Variants in C8orf88 observed in about 807,000 individuals in gnomAD.
C8orf88 encodes the protein uncharacterized protein C8orf88.
In C8orf88, 14 loss-of-function variants were observed where a neutral mutation model predicts 18.4. The observed-to-expected ratio is 0.76, with a 90% CI of 0.50 to 1.19. The LOEUF (loss-of-function observed/expected upper bound fraction) is 1.19. C8orf88 is among the 50% of genes most tolerant of loss of function. The pLI is 0.00. For synonymous variants in C8orf88, 45 were observed against 42.9 expected (o/e 1.05, Z -0.19); for missense variants, 116 against 134.7 (o/e 0.86, Z 0.69).
At chr8:90,967,697 G>C (rs1175248017) in intron 4 of C8orf88, among the ~76,000 whole-genome samples, 1 of 151,358 alleles carries the variant, frequency 6.6e-6, no homozygotes, top group Middle Eastern at 3.4e-3. Context: ...TCTAGTTTTT[G>C]GCATACAACT....
chr8:90,975,385 G>A (rs1811333568), intron 3 of C8orf88, among the ~76,000 whole-genome samples: 1 of 152,014 alleles, frequency 6.6e-6, no homozygotes, highest in Non-Finnish European at 1.5e-5. Context: ...ATGATATACT[G>A]ATTTTTCAAT....
chr8:90,961,470 A>C (rs772817745), intron 4 of C8orf88, among the ~76,000 whole-genome samples: 7 of 150,250 alleles, frequency 4.7e-5, no homozygotes, highest in Middle Eastern at 3.4e-3. Flanking sequence ...GCTAAAAGAA[A>C]AGAACGGTAA....
rs554916186 is a variant in C8orf88 at position 90,976,025 on chromosome 8, A to G, written c.147+2554T>C. Among the ~76,000 whole-genome samples the G allele has an allele frequency of 3.9e-5, 6 of 152,186 alleles. No individual in the cohort carries two copies. In the East Asian group the frequency reaches 5.8e-4, roughly 15 times the overall value. ...AACCCAGCACCAAGGAATATACATG[A>G]TATTTTTCATTTATATGAAACTCTA... On this transcript the variant is annotated intron_variant, in intron 3 of 5. Coordinates refer to ENST00000517562, the MANE Select transcript of C8orf88 (RefSeq NM_001190972.2).
At chr8:90,969,417 T>G (rs550070715) in intron 4 of C8orf88, among the ~76,000 whole-genome samples, 53 of 152,002 alleles carry the variant, frequency 3.5e-4, no homozygotes, top group African/African-American at 1.2e-3. Flanking sequence ...GATATCTCAA[T>G]TACCCTTATT....
intron 3 of C8orf88, among the ~76,000 whole-genome samples, chr8:90,976,158 C>G (rs1174365516): frequency 6.6e-6 from 1 of 151,846 alleles, no homozygotes; most frequent in African/African-American, 2.4e-5. Context: ...TAAATTATTG[C>G]AAGGGGATAT....
In C8orf88 at chr8:90,971,587, C is replaced by T. The variant is rs868755134; in HGVS notation, c.148-446G>A. 1.5e-4 allele frequency among the ~76,000 whole-genome samples: 23 copies of T among 151,976 alleles called. 1 individual carries two copies. The Middle Eastern group carries it at 0.02, about 135-fold the overall frequency. ...CTTTATAAGCCCATGGACTGTTTCACCTAATGCCTTGGAAATAAGAGAAAT... is the reference window on the plus strand; with the variant it reads ...CTTTATAAGCCCATGGACTGTTTCATCTAATGCCTTGGAAATAAGAGAAAT... On this transcript the variant is annotated intron_variant, in intron 3 of 5. Transcript: ENST00000517562.
At chr8:90,959,453 C>G (rs943151453) in intron 5 of C8orf88, 2 of 151,554 alleles carry the variant, frequency 1.3e-5, no homozygotes, top group Non-Finnish European at 3.0e-5. Context: ...TACATTTATT[C>G]TTACAGACCA....
intron 1 of C8orf88, among the ~76,000 whole-genome samples, chr8:90,981,359 T>C (rs1811433212): frequency 6.6e-6 from 1 of 152,194 alleles, no homozygotes; most frequent in African/African-American, 2.4e-5. Flanking sequence ...TTTCACCATA[T>C]ATTTGGACAT....
Position 90,980,464 on chromosome 8 carries a change from A to G in C8orf88, c.-26-3T>C, listed in dbSNP as rs61431850. On this transcript the variant is annotated splice_region_variant and splice_polypyrimidine_tract_variant and intron_variant, in intron 1 of 5. Coordinates refer to ENST00000517562, the MANE Select transcript of C8orf88 (RefSeq NM_001190972.2). Reference sequence around the variant, plus strand: ...CACAAAGACTTTGAGGTTCCATACTAGAAGACAAAAAAATACATTTTTATC... The same window carrying G: ...CACAAAGACTTTGAGGTTCCATACTGGAAGACAAAAAAATACATTTTTATC... The G allele has an allele frequency of 2.4e-3, 3,249 of 1,330,728 alleles. 73 individuals carry two copies. The African/African-American group carries it at 0.043, about 18-fold the overall frequency. 82.4% of individuals were successfully genotyped at this position (1,330,728 alleles called of 1,614,324 possible). A position where few individuals can be genotyped will look rare whatever the true frequency, so the allele number is the denominator to read the frequency against.
chr8:90,978,982 G>A (rs1811392787), intron 2 of C8orf88, among the ~76,000 whole-genome samples: 1 of 152,162 alleles, frequency 6.6e-6, no homozygotes, highest in African/African-American at 2.4e-5. Context: ...TAGGTTTGGG[G>A]TATCACATAG....
At chr8:90,966,147 T>A (rs1029757822) in intron 4 of C8orf88, among the ~76,000 whole-genome samples, 3 of 151,432 alleles carry the variant, frequency 2.0e-5, no homozygotes, top group Admixed American at 1.3e-4. Context: ...ATGTGGCACA[T>A]ATACACCATG....
At chr8:90,961,507 G>A (rs10111454) in intron 4 of C8orf88, among the ~76,000 whole-genome samples, 107,090 of 147,830 alleles carry the variant, frequency 0.72, 39,007 homozygotes, top group African/African-American at 0.83. Flanking sequence ...CAGTGGGGGG[G>A]AAAAAACCCT....
At chr8:90,977,855 G>C (rs980762646) in intron 3 of C8orf88, among the ~76,000 whole-genome samples, 1 of 152,194 alleles carries the variant, frequency 6.6e-6, no homozygotes, top group Non-Finnish European at 1.5e-5. Context: ...GCTGAAGCAG[G>C]AGAATCGCTT....
At chr8:90,975,428 C>A (rs1586164517) in intron 3 of C8orf88, among the ~76,000 whole-genome samples, 1 of 151,832 alleles carries the variant, frequency 6.6e-6, no homozygotes, top group African/African-American at 2.4e-5. Context: ...AAAGGACAAA[C>A]AACCCAAATA....
chr8:90,959,165 G>T, intron 5 of C8orf88, 135 bp from the exon 6 acceptor site: 3 of 464,836 alleles, frequency 6.5e-6, no homozygotes, highest in East Asian at 3.8e-5. Flanking sequence ...AACTATTAAA[G>T]TAACTAGAAC....
rs553563593 is a variant in C8orf88 at position 90,969,905 on chromosome 8, C to T, written c.223+1161G>A. Among the ~76,000 whole-genome samples the T allele has an allele frequency of 4.0e-5, 6 of 151,874 alleles. No homozygotes were observed. The East Asian group carries it at 1.2e-3, about 29-fold the overall frequency. Reference sequence around the variant, plus strand: ...GCTGCACATTAGTACTAAAGAACAACTAGTCCATATTGGAATAGGATAATG... The same window carrying T: ...GCTGCACATTAGTACTAAAGAACAATTAGTCCATATTGGAATAGGATAATG... On this transcript the variant is annotated intron_variant, in intron 4 of 5. Coordinates refer to ENST00000517562, the MANE Select transcript of C8orf88 (RefSeq NM_001190972.2).
intron 3 of C8orf88, among the ~76,000 whole-genome samples, chr8:90,975,920 C>T (rs558486259): frequency 7.5e-6 from 1 of 134,196 alleles, no homozygotes; most frequent in African/African-American, 3.7e-5. Flanking sequence ...AAGTAGGACA[C>T]TATTCCACAT....
chr8:90,964,138 T>C lies in C8orf88; in HGVS notation c.224-3290A>G, dbSNP rs536514639. Among the ~76,000 whole-genome samples the C allele has an allele frequency of 1.9e-3, 283 of 151,730 alleles. 2 individuals carry two copies. The highest frequency in any genetic ancestry group is 6.3e-3 in the African/African-American group (260 of 41,496). On this transcript the variant is annotated intron_variant, in intron 4 of 5. Coordinates refer to ENST00000517562, the MANE Select transcript of C8orf88 (RefSeq NM_001190972.2). ...GACTCTCATAACCAACATATTATAT[T>C]TTCAACTTATGATGGGTTTATTGGG...
intron 4 of C8orf88, among the ~76,000 whole-genome samples, chr8:90,970,398 A>G (rs775930791): frequency 6.4e-4 from 97 of 152,044 alleles, no homozygotes; most frequent in Non-Finnish European, 1.0e-3. Context: ...AAACTTTTAA[A>G]CTACATACAT....
Sources: gnomAD v4.1 joint callset for allele counts (sites outside exome capture counted in the v4.1 genomes callset) on GRCh38, gnomAD v4.1.1 for gene constraint, MANE v1.5 for transcripts, NCBI Gene and HGNC (gene_info 2026-07-23, HGNC 2026-07-21) for gene names.